The following HAX1 variants were observed in gnomAD, a reference collection of about 807,000 sequenced individuals.
HAX1 encodes the protein HCLS1 associated protein X-1.
A neutral mutation model predicts 31.1 loss-of-function variants in HAX1; 27 were observed. That is an observed-to-expected ratio of 0.87 (90% CI 0.64 to 1.20). HAX1 has a LOEUF of 1.20. HAX1 is among the 50% of genes most tolerant of loss of function. The probability of loss-of-function intolerance (pLI) is 0.00; values close to 1 mark genes in which losing one functional copy is unlikely to be tolerated. For missense variants in HAX1, 357 were observed against 361.6 expected (o/e 0.99, Z 0.10); for synonymous variants, 114 against 124.1 (o/e 0.92, Z 0.54).
chr1:154,275,128 G>C (rs778256987), intron 4 of HAX1, 26 bp from the exon 5 acceptor site: 16 of 1,531,334 alleles, frequency 1.0e-5, no homozygotes, highest in Non-Finnish European at 1.4e-5. Context: ...TTTCTCTCCT[G>C]CTTCTTCATC....
Position 154,275,597 on chromosome 1 carries a change from G to A in HAX1, c.755-19G>A, listed in dbSNP as rs367977880. ...TCTCTTTCATTTAGCCTATTTACGT[G>A]TATGACTTTCTTCCTTAGATCCAGA... On this transcript the variant is annotated intron_variant, in intron 6 of 6. Transcript: ENST00000328703. The A allele has an allele frequency of 1.9e-6, 3 of 1,603,374 alleles. No homozygotes were observed. The highest frequency in any genetic ancestry group is 2.6e-6 in the Non-Finnish European group (3 of 1,170,202).
At position 154,273,519 on chromosome 1, in the gene HAX1, C is replaced by G. The variant is rs761531560; in HGVS notation, c.237C>G (p.Phe79Leu). The G allele has an allele frequency of 6.2e-7, 1 of 1,614,006 alleles. No individual in the cohort carries two copies. The highest frequency in any genetic ancestry group is 8.5e-7 in the Non-Finnish European group (1 of 1,180,024). The change falls in exon 2 of 7, where the codon TTC becomes TTG. Residue 79 changes from phenylalanine (F) to leucine (L), a missense_variant. Coordinates refer to ENST00000328703, the MANE Select transcript of HAX1 (RefSeq NM_006118.4). ...GAGGGATACGTTTCCACGATAACTT[C>G]GGCTTTGATGACCTAGTACGAGATT... ...PGGGIRFHDNFGFDDLVRDFN... is the reference protein window; with the variant it reads ...PGGGIRFHDNLGFDDLVRDFN...
intron 1 of HAX1, 129 bp downstream of exon 1, chr1:154,272,905 C>G (rs1366976874): frequency 2.5e-6 from 2 of 794,550 alleles, no homozygotes; most frequent in Non-Finnish European, 4.3e-6. Context: ...GAAGTCGCAA[C>G]ATTGAACACT....
intron 2 of HAX1, 77 bp downstream of exon 2, chr1:154,273,675 G>C: frequency 6.3e-7 from 1 of 1,591,190 alleles, no homozygotes; most frequent in African/African-American, 1.3e-5. Context: ...GCAGGGAGTA[G>C]CTGGGGGATG....
intron 3 of HAX1, 104 bp downstream of exon 3, chr1:154,274,065 T>C: frequency 2.8e-6 from 3 of 1,065,388 alleles, no homozygotes; most frequent in Admixed American, 3.6e-5. Context: ...CCCAGCACTT[T>C]GGGAGGCCGA....
At chr1:154,274,851 T>C (rs2149140427) in intron 3 of HAX1, 99 bp from the exon 4 acceptor site, 1 of 805,636 alleles carries the variant, frequency 1.2e-6, no homozygotes, top group Non-Finnish European at 2.2e-6. Flanking sequence ...ATCTCTTCTG[T>C]GGAAGGGGGT....
rs764765550 is a variant in HAX1 at position 154,273,334 on chromosome 1, A to T, written c.54-2A>T. 1.2e-6 allele frequency: 2 copies of T among 1,613,924 alleles called. No individual in the cohort carries two copies. The highest frequency in any genetic ancestry group is 1.7e-6 in the Non-Finnish European group (2 of 1,179,988). On this transcript the variant is annotated splice_acceptor_variant, in intron 1 of 6. Transcript: ENST00000328703. LOFTEE classifies it high-confidence loss of function. ...TGGTGGCCAATCTGCCTCCACTCTC[A>T]GCCACAGAGATCCCTTTTTTGGAGG...
rs1262477985 is a variant in HAX1 at position 154,273,616 on chromosome 1, A to G, written c.316+18A>G. The G allele has an allele frequency of 1.2e-6, 2 of 1,613,436 alleles. No individual in the cohort carries two copies. The highest frequency in any genetic ancestry group is 2.7e-5 in the African/African-American group (2 of 74,884). On this transcript the variant is annotated intron_variant, in intron 2 of 6. Coordinates refer to ENST00000328703, the MANE Select transcript of HAX1 (RefSeq NM_006118.4). ...TCCTCCTGGTGTGTGGCTTTCCCTA[A>G]GGGGCAACCTGTGGTTTCTGGTGGG...
rs369006846 is a variant in HAX1 at position 154,272,747 on chromosome 1, G to A, written c.24G>A (p.Arg8=). The stretch of plus-strand genomic sequence containing the variant: ...GAATGAGCCTCTTTGATCTCTTCCG[G>A]GGCTTTTTCGGCTTTCCTGGACCTC... MSLFDLF[R]GFFGFPGPRS... Residue 8 remains arginine (R), a synonymous_variant, in exon 1 of 7, where the codon CGG becomes CGA. Transcript: ENST00000328703. 49 of 1,614,084 alleles carry A rather than the reference G, an allele frequency of 3.0e-5. No homozygotes were observed. The highest frequency in any genetic ancestry group is 4.0e-5 in the Non-Finnish European group (47 of 1,180,056).
intron 1 of HAX1, 184 bp from the exon 2 acceptor site, chr1:154,273,152 A>T: frequency 5.9e-5 from 9 of 152,338 alleles, no homozygotes; most frequent in East Asian, 1.8e-4. Flanking sequence ...ACTTTGATTA[A>T]AAAAAAAAAA....
At chr1:154,274,563 G>T (rs898820504) in intron 3 of HAX1, among the ~76,000 whole-genome samples, 6 of 152,062 alleles carry the variant, frequency 3.9e-5, no homozygotes, top group South Asian at 4.1e-4. Context: ...TGCAATTCTT[G>T]TTTGAATCTG....
Position 154,272,730 on chromosome 1 carries a change from C to A in HAX1, c.7C>A (p.Leu3Ile). MSLFDLFRGFFGF... is the reference protein window; with the variant it reads MSIFDLFRGFFGF... ...TTCGCGTCCCAGTACGGGAATGAGC[C>A]TCTTTGATCTCTTCCGGGGCTTTTT... Residue 3 changes from leucine to isoleucine, a missense_variant, in exon 1 of 7, where the codon CTC becomes ATC. By Grantham distance (5) the Leu-to-Ile change is conservative. Coordinates refer to ENST00000328703, the MANE Select transcript of HAX1 (RefSeq NM_006118.4). 1 of 1,614,158 alleles carries A rather than the reference C, an allele frequency of 6.2e-7. No individual in the cohort carries two copies. The highest frequency in any genetic ancestry group is 2.2e-5 in the East Asian group (1 of 44,878).
rs188953441 is a variant in HAX1 at position 154,273,747 on chromosome 1, C to T, written c.317-27C>T. The T allele has an allele frequency of 1.1e-5, 18 of 1,613,956 alleles. No homozygotes were observed. In the East Asian group the frequency reaches 4.0e-4, roughly 36 times the overall value. ...ATAGAGCCCAAGTCCTTTCCCATCC[C>T]AGCAAACACCTGCCACCTTTCTGCA... On this transcript the variant is annotated intron_variant, in intron 2 of 6. Transcript: ENST00000328703.
At position 154,272,794 on chromosome 1, in the gene HAX1, T is replaced by C. The variant is rs1311341059; in HGVS notation, c.53+18T>C. ...CCTCGGAGGTGAGAGTAGGTCCGGC[T>C]CGGACAAGGGTGGGGGTCGTCTGAG... is the stretch of plus-strand genomic sequence containing the variant. On this transcript the variant is annotated intron_variant, in intron 1 of 6. Coordinates refer to ENST00000328703, the MANE Select transcript of HAX1 (RefSeq NM_006118.4). 4 of 1,612,844 alleles carry C rather than the reference T, an allele frequency of 2.5e-6. No homozygotes were observed. The highest frequency in any genetic ancestry group is 3.4e-6 in the Non-Finnish European group (4 of 1,178,984).
intron 4 of HAX1, 44 bp from the exon 5 acceptor site, chr1:154,275,110 T>C (rs749758529): frequency 6.8e-7 from 1 of 1,478,478 alleles, no homozygotes; most frequent in South Asian, 1.1e-5. Context: ...CTTTTTTCCT[T>C]TGGACTCTTT....
intron 1 of HAX1, 47 bp from the exon 2 acceptor site, chr1:154,273,289 C>T (rs1684850796): frequency 1.2e-6 from 2 of 1,611,114 alleles, no homozygotes; most frequent in South Asian, 1.1e-5. Context: ...GATTTAATGG[C>T]TTAAATAGTG....
chr1:154,272,752 T>G lies in HAX1; in HGVS notation c.29T>G (p.Phe10Cys). 6.2e-7 allele frequency: 1 copy of G among 1,614,172 alleles called. No homozygotes were observed. The highest frequency in any genetic ancestry group is 8.5e-7 in the Non-Finnish European group (1 of 1,180,026). Residue 10 changes from phenylalanine (F) to cysteine (C), a missense_variant, in exon 1 of 7, where the codon TTT becomes TGT. Phe to Cys is a radical substitution (Grantham distance 205). Coordinates refer to ENST00000328703, the MANE Select transcript of HAX1 (RefSeq NM_006118.4). Reference sequence around the variant, plus strand: ...AGCCTCTTTGATCTCTTCCGGGGCTTTTTCGGCTTTCCTGGACCTCGGAGG... The same window carrying G: ...AGCCTCTTTGATCTCTTCCGGGGCTGTTTCGGCTTTCCTGGACCTCGGAGG... MSLFDLFRG[F>C]FGFPGPRSHR...
chr1:154,274,106 G>A (rs2149140142), intron 3 of HAX1, 145 bp downstream of exon 3: 36 of 732,378 alleles, frequency 4.9e-5, no homozygotes, highest in South Asian at 7.6e-5. Context: ...TCAGGAGTTG[G>A]AGACCAGCCT....
At chr1:154,275,584 A>T (rs777874947) in intron 6 of HAX1, 32 bp from the exon 7 acceptor site, 6 of 1,588,752 alleles carry the variant, frequency 3.8e-6, no homozygotes, top group Non-Finnish European at 5.2e-6. Context: ...TCTTTCATTT[A>T]GCCTATTTAC....
Sources: gnomAD v4.1 joint callset for allele counts (sites outside exome capture counted in the v4.1 genomes callset) on GRCh38, gnomAD v4.1.1 for gene constraint, MANE v1.5 for transcripts, NCBI Gene and HGNC (gene_info 2026-07-23, HGNC 2026-07-21) for gene names.